The following DTNA variants were observed in gnomAD, a reference collection of about 807,000 sequenced individuals.
DTNA encodes the protein dystrophin-related protein 3.
In DTNA, 43 loss-of-function variants were observed where a neutral mutation model predicts 100.7. The ratio of observed to expected loss-of-function variants is 0.43; its 90% CI spans 0.33 to 0.55. The LOEUF (loss-of-function observed/expected upper bound fraction) is 0.55. Among genes scored for constraint, DTNA ranks in the 20% least tolerant of loss-of-function variants. DTNA has a pLI of 0.04. For synonymous variants in DTNA, 349 were observed against 347.9 expected, an observed-to-expected ratio of 1.00 and a Z score of -0.04; for missense variants, 798 against 953.9, an observed-to-expected ratio of 0.84 and a Z score of 2.15.
chr18:34,886,579 G>A (rs558784078), intron 22 of DTNA, among the ~76,000 whole-genome samples: 5 of 152,238 alleles, frequency 3.3e-5, no homozygotes, highest in South Asian at 4.1e-4. Context: ...ATGTGCTTGC[G>A]TTAAACCCAG....
chr18:34,607,509 A>G lies in DTNA; in HGVS notation c.-2+113995A>G, dbSNP rs537674318. Among the ~76,000 whole-genome samples, 4 of 152,312 alleles carry G rather than the reference A, an allele frequency of 2.6e-5. No homozygotes were observed. The South Asian group carries it at 6.2e-4, about 24-fold the overall frequency. ...GTAGAAATCTAATTGATATAGCTGA[A>G]TACTTTCCAAACTTGTTCCAAAGCA... On this transcript the variant is annotated intron_variant, in intron 1 of 19. Transcript: ENST00000283365.
At chr18:34,751,620 G>A (rs186605596) in intron 1 of DTNA, among the ~76,000 whole-genome samples, 91 of 152,224 alleles carry the variant, frequency 6.0e-4, no homozygotes, top group Non-Finnish European at 1.1e-3. Flanking sequence ...TTTTCTTCAC[G>A]ATTCTATTTG....
intron 1 of DTNA, among the ~76,000 whole-genome samples, chr18:34,527,128 C>G (rs972952073): frequency 6.6e-6 from 1 of 151,928 alleles, no homozygotes; most frequent in African/African-American, 2.4e-5. Context: ...ACCTCCTTTA[C>G]CTCATGTGCA....
chr18:34,595,095 T>G (rs16965598), intron 1 of DTNA, among the ~76,000 whole-genome samples: 12,433 of 152,294 alleles, frequency 0.082, 630 homozygotes, highest in African/African-American at 0.13. Flanking sequence ...CCCATAATCA[T>G]GTGTTAACTT....
chr18:34,563,979 G>A (rs2046865278), intron 1 of DTNA, among the ~76,000 whole-genome samples: 1 of 151,516 alleles, frequency 6.6e-6, no homozygotes. Flanking sequence ...GTGTGTGTGT[G>A]TGTAGTGAGG....
chr18:34,635,740 T>G (rs1021464114), intron 1 of DTNA, among the ~76,000 whole-genome samples: 5 of 152,178 alleles, frequency 3.3e-5, no homozygotes, highest in African/African-American at 4.8e-5. Flanking sequence ...CTCACCAATC[T>G]TTTATCTCAA....
At position 34,503,241 on chromosome 18, in the gene DTNA, T is replaced by A. The variant is rs552644721; in HGVS notation, c.-2+9727T>A. Among the ~76,000 whole-genome samples the A allele has an allele frequency of 2.6e-5, 4 of 152,024 alleles. No individual in the cohort carries two copies. In the East Asian group the frequency reaches 5.8e-4, roughly 22 times the overall value. ...CTTTCCACTGGCCCATATTTTATAT[T>A]TTATTTGAGTTCCTTGTAGATAAAA... On this transcript the variant is annotated intron_variant, in intron 1 of 19. Coordinates refer to the DTNA transcript ENST00000283365.
intron 15 of DTNA, among the ~76,000 whole-genome samples, chr18:34,854,261 A>C (rs952320978): frequency 2.0e-5 from 3 of 152,238 alleles, no homozygotes; most frequent in African/African-American, 7.2e-5. Context: ...AATTATTGAC[A>C]ATTAGACTTA....
chr18:34,511,049 T>G (rs1018549372), intron 1 of DTNA, among the ~76,000 whole-genome samples: 1 of 152,048 alleles, frequency 6.6e-6, no homozygotes, highest in Non-Finnish European at 1.5e-5. Context: ...AGAACCCAGA[T>G]CCTTCTCTGA....
rs910200891 is a variant in DTNA, at chr18:34,890,653, A to G, written c.*2919A>G. The G allele has an allele frequency of 1.3e-6, 1 of 789,060 alleles. No homozygotes were observed. The highest frequency in any genetic ancestry group is 2.8e-5 in the East Asian group (1 of 35,934). The allele number at this position is 789,060 out of a possible 1,614,324, so 48.9% of individuals were successfully genotyped here. The stretch of plus-strand genomic sequence containing the variant: ...AGGTGAAATCTACTGCATGGGATTC[A>G]GGAAACAGTTGTGGTTGGTCAGGAC... On this transcript the variant is annotated 3_prime_UTR_variant, in exon 23 of 23. Transcript: ENST00000444659.
At chr18:34,499,186 T>C (rs1441399467) in intron 1 of DTNA, among the ~76,000 whole-genome samples, 1 of 152,242 alleles carries the variant, frequency 6.6e-6, no homozygotes, top group Non-Finnish European at 1.5e-5. Flanking sequence ...ATGTTCTCTA[T>C]TTCTATAATT....
intron 1 of DTNA, among the ~76,000 whole-genome samples, chr18:34,531,219 G>A (rs1307824332): frequency 1.3e-5 from 2 of 152,038 alleles, no homozygotes; most frequent in African/African-American, 2.4e-5. Context: ...AATTCATGAC[G>A]CTTTGTTGGA....
chr18:34,636,917 T>C (rs1315551095), intron 1 of DTNA, among the ~76,000 whole-genome samples: 2 of 152,162 alleles, frequency 1.3e-5, no homozygotes, highest in Non-Finnish European at 2.9e-5. Context: ...TGAAATGCTG[T>C]AGGAGATATT....
At position 34,536,678 on chromosome 18, in the gene DTNA, G is replaced by A. The variant is rs569716399; in HGVS notation, c.-2+43164G>A. On this transcript the variant is annotated intron_variant, in intron 1 of 19. Transcript: ENST00000283365. ...CAGTTCACTTTTCTATCATAGTGAA[G>A]TGTAGCTATTATCTAATTTGCATCT... Among the ~76,000 whole-genome samples, 5 of 152,056 alleles carry A rather than the reference G, an allele frequency of 3.3e-5. 1 individual carries two copies. Among genetic ancestry groups the A allele is most frequent in the African/African-American group, 9.6e-5 (4 of 41,538 alleles).
rs372620035 is a variant in DTNA, at chr18:34,877,733, T to C, written c.1918T>C (p.Leu640=). Residue 640 remains leucine, a synonymous_variant, in exon 19 of 23, where the codon TTA becomes CTA. Transcript: ENST00000444659. ...CTTCCCTGAAGGTTCAAGAAGAAAC[T>C]TAAGGAATGACTTGCTAGTGGCTGC... ...EAFAQSSRRN[L]RNDLLVAADS... 2.3e-4 allele frequency: 370 copies of C among 1,613,740 alleles called. No individual in the cohort carries two copies. The highest frequency in any genetic ancestry group is 3.0e-4 in the Non-Finnish European group (358 of 1,179,872).
At chr18:34,885,470 C>T (rs2096913029) in intron 22 of DTNA, among the ~76,000 whole-genome samples, 1 of 152,196 alleles carries the variant, frequency 6.6e-6, no homozygotes, top group South Asian at 2.1e-4. Flanking sequence ...CATCACTTGA[C>T]TGTAGTGGTC....
At chr18:34,878,257 G>A (rs1255289423) in intron 19 of DTNA, among the ~76,000 whole-genome samples, 1 of 152,082 alleles carries the variant, frequency 6.6e-6, no homozygotes, top group Non-Finnish European at 1.5e-5. Flanking sequence ...GAGCCACTAT[G>A]CCTGGCCTAT....
intron 1 of DTNA, among the ~76,000 whole-genome samples, chr18:34,555,495 T>A (rs1251534502): frequency 3.3e-5 from 5 of 152,194 alleles, no homozygotes. Context: ...TCTTTCCTGC[T>A]TTCTCTTGTG....
intron 17 of DTNA, among the ~76,000 whole-genome samples, chr18:34,864,290 G>T (rs1193825345): frequency 6.8e-5 from 9 of 133,106 alleles, no homozygotes; most frequent in African/African-American, 2.6e-4. Context: ...TTGCTCTGTC[G>T]CCCAGGCTGG....
Sources: gnomAD v4.1 joint callset for allele counts (sites outside exome capture counted in the v4.1 genomes callset) on GRCh38, gnomAD v4.1.1 for gene constraint, MANE v1.5 for transcripts, NCBI Gene and HGNC (gene_info 2026-07-23, HGNC 2026-07-21) for gene names.